The following ABCC4 variants were observed in gnomAD, a reference collection of about 807,000 sequenced individuals.
The protein encoded by ABCC4 is ATP binding cassette subfamily C member 4 (PEL blood group).
In ABCC4, 102 loss-of-function variants were observed where a neutral mutation model predicts 168.5. The observed-to-expected ratio is 0.61, with a 90% CI of 0.52 to 0.71. The LOEUF (loss-of-function observed/expected upper bound fraction) is 0.71. Among genes scored for constraint, ABCC4 ranks in the 30% least tolerant of loss-of-function variants. ABCC4 has a pLI of 0.00. For missense variants in ABCC4, 1,402 were observed against 1,605.8 expected (o/e 0.87, Z 2.17); for synonymous variants, 617 against 590.7 (o/e 1.04, Z -0.65).
At chr13:95,280,275 G>A (rs1475503350) in intron 1 of ABCC4, among the ~76,000 whole-genome samples, 1 of 151,862 alleles carries the variant, frequency 6.6e-6, no homozygotes, top group Non-Finnish European at 1.5e-5. Context: ...AAATTAACCA[G>A]GTGTGGTGGC....
intron 13 of ABCC4, among the ~76,000 whole-genome samples, chr13:95,173,498 C>T (rs900789517): frequency 7.9e-5 from 12 of 152,152 alleles, no homozygotes; most frequent in African/African-American, 2.2e-4. Context: ...GGTTGTCCAA[C>T]GGCAGGAAAA....
At chr13:95,196,384 T>C (rs751007784) in intron 8 of ABCC4, among the ~76,000 whole-genome samples, 2 of 152,032 alleles carry the variant, frequency 1.3e-5, no homozygotes, top group Non-Finnish European at 2.9e-5. Context: ...TCCAGGAAAC[T>C]TCCTATACAG....
chr13:95,102,744 C>G (rs2034856911), intron 20 of ABCC4, among the ~76,000 whole-genome samples: 1 of 151,658 alleles, frequency 6.6e-6, no homozygotes. Context: ...CCTCAGCCCC[C>G]CAAGTAGCTG....
At chr13:95,175,536 C>A (rs1443516187) in intron 13 of ABCC4, among the ~76,000 whole-genome samples, 1 of 152,190 alleles carries the variant, frequency 6.6e-6, no homozygotes, top group Non-Finnish European at 1.5e-5. Context: ...TGGTCTCGAA[C>A]TCCTCAGGTG....
intron 26 of ABCC4, among the ~76,000 whole-genome samples, chr13:95,059,133 G>T (rs576662603): frequency 6.6e-6 from 1 of 152,180 alleles, no homozygotes; most frequent in East Asian, 1.9e-4. Context: ...CGGGGACTGC[G>T]CCAGCCAACA....
chr13:95,239,658 C>T (rs759371905), intron 3 of ABCC4, among the ~76,000 whole-genome samples: 2 of 152,106 alleles, frequency 1.3e-5, no homozygotes, highest in African/African-American at 4.8e-5. Context: ...AATCCATGAG[C>T]TCACAATCAT....
chr13:95,268,271 A>C (rs2040736855), intron 1 of ABCC4, among the ~76,000 whole-genome samples: 1 of 152,196 alleles, frequency 6.6e-6, no homozygotes, highest in Non-Finnish European at 1.5e-5. Context: ...CTTAAAAGTC[A>C]TCACCACTCC....
chr13:95,236,574 G>C (rs2039775878), intron 3 of ABCC4, among the ~76,000 whole-genome samples: 1 of 144,648 alleles, frequency 6.9e-6, no homozygotes, highest in Non-Finnish European at 1.5e-5. Flanking sequence ...CAACAAGCCT[G>C]TCTCGGCATG....
intron 4 of ABCC4, among the ~76,000 whole-genome samples, chr13:95,218,981 G>C (rs113952258): frequency 1.9e-5 from 1 of 53,592 alleles, no homozygotes; most frequent in African/African-American, 8.0e-5. Flanking sequence ...AAGAAAGAAA[G>C]AAAGAGTGAG....
intron 11 of ABCC4, among the ~76,000 whole-genome samples, chr13:95,183,476 G>T (rs11839908): frequency 6.6e-6 from 1 of 152,100 alleles, no homozygotes; most frequent in Non-Finnish European, 1.5e-5. Context: ...AGGATCCCTG[G>T]TTTCTTCCAG....
At chr13:95,195,409 G>A (rs2038385378) in intron 8 of ABCC4, among the ~76,000 whole-genome samples, 1 of 152,170 alleles carries the variant, frequency 6.6e-6, no homozygotes, top group Non-Finnish European at 1.5e-5. Context: ...AAGCAAGTGA[G>A]CCCAGAAGGG....
At chr13:95,175,694 AGAG>A (rs1256909432) in intron 13 of ABCC4, among the ~76,000 whole-genome samples, 2 of 152,214 alleles carry the variant, frequency 1.3e-5, no homozygotes, top group Admixed American at 1.3e-4. Flanking sequence ...CTTTTCAGGA[AGAG>A]GAGATTTGGA....
At chr13:95,081,955 G>A (rs531813046) in intron 21 of ABCC4, among the ~76,000 whole-genome samples, 150 of 152,216 alleles carry the variant, frequency 9.9e-4, no homozygotes, top group African/African-American at 3.5e-3. Context: ...AGCTGAGATT[G>A]CGCCACTGCA....
At chr13:95,094,111 A>G (rs1165575846) in intron 20 of ABCC4, among the ~76,000 whole-genome samples, 1 of 152,148 alleles carries the variant, frequency 6.6e-6, no homozygotes, top group Non-Finnish European at 1.5e-5. Flanking sequence ...TGCCAAAAGC[A>G]ATCTACAAAT....
At position 95,050,586 on chromosome 13, in the gene ABCC4, C is replaced by T. The variant is rs140321885; in HGVS notation, c.3456+2509G>A. 8.2e-4 allele frequency among the ~76,000 whole-genome samples: 124 copies of T among 152,138 alleles called. 1 individual carries two copies. The East Asian group carries it at 0.023, about 28-fold the overall frequency. Reference sequence around the variant, plus strand: ...TCACACTGGAAATACAATGTTGTACCCTAATTTTTAGTAACTCTTCCAAAT... The same window carrying T: ...TCACACTGGAAATACAATGTTGTACTCTAATTTTTAGTAACTCTTCCAAAT... On this transcript the variant is annotated intron_variant, in intron 27 of 30. Transcript: ENST00000645237.
At chr13:95,121,042 A>G (rs765018855) in intron 19 of ABCC4, among the ~76,000 whole-genome samples, 1 of 152,230 alleles carries the variant, frequency 6.6e-6, no homozygotes, top group African/African-American at 2.4e-5. Context: ...GTATTTCAGT[A>G]TATCTCATCA....
chr13:95,151,075 T>A (rs1052649452), intron 19 of ABCC4, among the ~76,000 whole-genome samples: 1 of 152,246 alleles, frequency 6.6e-6, no homozygotes. Context: ...GCTATGCTCA[T>A]GTGTGTTGTA....
intron 13 of ABCC4, among the ~76,000 whole-genome samples, chr13:95,171,105 G>T (rs7982526): frequency 0.029 from 4,062 of 139,898 alleles, 132 homozygotes; most frequent in African/African-American, 0.086. Context: ...TTGCCAGAGT[G>T]CATTTTCCAG....
At chr13:95,177,931 A>G (rs2037762151) in intron 12 of ABCC4, 66 bp downstream of exon 12, 2 of 1,545,906 alleles carry the variant, frequency 1.3e-6, no homozygotes, top group Admixed American at 1.7e-5. Flanking sequence ...AGCAGGTCCT[A>G]TGTGCTCACC....
Sources: gnomAD v4.1 joint callset for allele counts (sites outside exome capture counted in the v4.1 genomes callset) on GRCh38, gnomAD v4.1.1 for gene constraint, MANE v1.5 for transcripts, NCBI Gene and HGNC (gene_info 2026-07-23, HGNC 2026-07-21) for gene names.